NRAP: variants seen among roughly 807,000 people sequenced by gnomAD.
The protein encoded by NRAP is nebulin-related-anchoring protein.
In NRAP, 189 loss-of-function variants were observed where a neutral mutation model predicts 225.9. That is an observed-to-expected ratio of 0.84 (90% CI 0.74 to 0.94). NRAP has a LOEUF of 0.94. Among genes scored for constraint, NRAP ranks in the 40% least tolerant of loss-of-function variants. The pLI is 0.00. For missense variants in NRAP, 2,176 were observed against 2,168.7 expected, an observed-to-expected ratio of 1.00 and a Z score of -0.07; for synonymous variants, 769 against 790.7, an observed-to-expected ratio of 0.97 and a Z score of 0.46.
chr10:113,588,721 G>C lies in NRAP; in HGVS notation c.*254C>G. 1 of 549,140 alleles carries C rather than the reference G, an allele frequency of 1.8e-6. No homozygotes were observed. The highest frequency in any genetic ancestry group is 2.7e-5 in the South Asian group (1 of 37,172). The allele number at this position is 549,140 out of a possible 1,614,324, so 34.0% of individuals were successfully genotyped here. ...ACTCCAGAATCCCCAGCATCAGCGGGAACCACCATCACATCTTTATTCCTC... is the reference window on the plus strand; with the variant it reads ...ACTCCAGAATCCCCAGCATCAGCGGCAACCACCATCACATCTTTATTCCTC... On this transcript the variant is annotated 3_prime_UTR_variant, in exon 42 of 42. Coordinates refer to ENST00000359988, the MANE Select transcript of NRAP (RefSeq NM_198060.4).
intron 41 of NRAP, 125 bp downstream of exon 41, chr10:113,589,541 C>A: frequency 8.5e-7 from 1 of 1,181,672 alleles, no homozygotes; most frequent in Non-Finnish European, 1.2e-6. Context: ...CTTGTTTGAG[C>A]TGCGTTTCAC....
At chr10:113,642,734 A>G (rs1463579107) in intron 12 of NRAP, among the ~76,000 whole-genome samples, 200 bp downstream of exon 12, 1 of 152,236 alleles carries the variant, frequency 6.6e-6, no homozygotes, top group East Asian at 1.9e-4. Context: ...CTCAGGGTCA[A>G]GATTGGGGAT....
At position 113,624,834 on chromosome 10, in the gene NRAP, G is replaced by C. The variant is rs376461200; in HGVS notation, c.2341C>G (p.Leu781Val). 2.7e-5 allele frequency: 43 copies of C among 1,612,794 alleles called. No homozygotes were observed. Among genetic ancestry groups the C allele is most frequent in the Non-Finnish European group, 3.5e-5 (41 of 1,178,882 alleles). Residue 781 changes from leucine (L) to valine (V), a missense_variant, in exon 22 of 42, where the codon CTC (leucine) becomes GTC (valine). Transcript: ENST00000359988. Reference protein sequence around the residue: ...FLQARANAANLSEKLYKSSWE... With the variant: ...FLQARANAANVSEKLYKSSWE... ...ACTCATTCTCTCTGTACCTCGCTGA[G>C]ATTTGCAGCATTGGCTCGGGCCTGC...
chr10:113,650,638 T>A (rs1219227398), intron 7 of NRAP, 93 bp from the exon 8 acceptor site: 6 of 825,382 alleles, frequency 7.3e-6, no homozygotes, highest in Non-Finnish European at 1.2e-5. Flanking sequence ...ATCCTGCCCA[T>A]CTCCTGTCAT....
intron 14 of NRAP, among the ~76,000 whole-genome samples, chr10:113,639,260 G>A (rs921399287): frequency 1.3e-4 from 20 of 152,146 alleles, no homozygotes; most frequent in Non-Finnish European, 2.9e-5. Flanking sequence ...CATTTGGAAA[G>A]CCCCTTTCAT....
intron 35 of NRAP, among the ~76,000 whole-genome samples, chr10:113,601,069 G>A (rs1846569295): frequency 6.6e-6 from 1 of 152,342 alleles, no homozygotes; most frequent in Non-Finnish European, 1.5e-5. Context: ...GAGGGAGCAG[G>A]CAACAGCCGA....
At chr10:113,595,284 G>C (rs574210026) in intron 38 of NRAP, among the ~76,000 whole-genome samples, 1 of 152,212 alleles carries the variant, frequency 6.6e-6, no homozygotes, top group East Asian at 1.9e-4. Flanking sequence ...GAAACAAAAA[G>C]AGCAGGTGTC....
At chr10:113,652,375 C>T (rs1470372599) in intron 6 of NRAP, among the ~76,000 whole-genome samples, 1 of 152,116 alleles carries the variant, frequency 6.6e-6, no homozygotes, top group Admixed American at 6.5e-5. Context: ...GCTGTGGTGG[C>T]TCACCCGAGT....
chr10:113,641,572 T>A, intron 12 of NRAP, 100 bp from the exon 13 acceptor site: 1 of 717,632 alleles, frequency 1.4e-6, no homozygotes, highest in Non-Finnish European at 2.4e-6. Context: ...CATAAATGAT[T>A]AAATATAACC....
intron 8 of NRAP, 43 bp downstream of exon 8, chr10:113,650,395 T>C (rs1356042042): frequency 1.4e-6 from 2 of 1,422,508 alleles, no homozygotes; most frequent in Non-Finnish European, 2.0e-6. Flanking sequence ...AGGTTCACAT[T>C]CCTCTTTCTC....
At chr10:113,646,022 C>A in intron 10 of NRAP, 81 bp from the exon 11 acceptor site, 1 of 701,004 alleles carries the variant, frequency 1.4e-6, no homozygotes, top group Non-Finnish European at 2.4e-6. Context: ...TTATCCTGGG[C>A]TTAATGTCAA....
chr10:113,644,849 C>T (rs1299277213), intron 11 of NRAP, among the ~76,000 whole-genome samples: 1 of 152,188 alleles, frequency 6.6e-6, no homozygotes, highest in Non-Finnish European at 1.5e-5. Context: ...TATGTGAATG[C>T]TTTGAATTGC....
intron 20 of NRAP, among the ~76,000 whole-genome samples, chr10:113,626,854 G>A (rs1423963509): frequency 6.6e-6 from 1 of 152,110 alleles, no homozygotes; most frequent in Non-Finnish European, 1.5e-5. Flanking sequence ...CAAATTAATT[G>A]GCAAATTTTC....
intron 14 of NRAP, among the ~76,000 whole-genome samples, chr10:113,639,104 A>T (rs1199796035): frequency 2.0e-5 from 3 of 151,578 alleles, no homozygotes; most frequent in African/African-American, 7.3e-5. Context: ...AAAAAAAAAA[A>T]AAAAAAAAAA....
intron 9 of NRAP, among the ~76,000 whole-genome samples, chr10:113,648,360 C>G (rs1849709813): frequency 6.6e-6 from 1 of 151,770 alleles, no homozygotes; most frequent in South Asian, 2.1e-4. Context: ...TTAAAAGGTT[C>G]TCAAATTCTT....
Position 113,621,927 on chromosome 10 carries a change from G to A in NRAP, c.2711C>T (p.Ala904Val), listed in dbSNP as rs1436514689. 1.9e-6 allele frequency: 3 copies of A among 1,614,034 alleles called. No individual in the cohort carries two copies. The highest frequency in any genetic ancestry group is 4.5e-5 in the East Asian group (2 of 44,882). Residue 904 changes from alanine (A) to valine (V), a missense_variant, in exon 24 of 42, where the codon GCT becomes GTT. Physicochemically the swap from Ala to Val is moderately conservative, Grantham distance 64. Around this residue, in one of 3 missense-constraint regions of NRAP, gnomAD observed 1,708 missense variants for 1,695.5 expected, o/e 1.01. Transcript: ENST00000359988. ...GYKTAEHHFT[A>V]LPTDMKVEWA... ...TTCCACCTTCATGTCTGTGGGCAAAGCCGTAAAGTGATGTTCCGCTGTCTT... is the reference window on the plus strand; with the variant it reads ...TTCCACCTTCATGTCTGTGGGCAAAACCGTAAAGTGATGTTCCGCTGTCTT...
In NRAP at chr10:113,614,170, T is replaced by G. The variant is rs745769183; in HGVS notation, c.3300+13A>C. ...GGGGCCCTGCAGCCGCTGATGCCTCTCCCCCCACTTACATCACTCTGCAGT... is the reference window on the plus strand; with the variant it reads ...GGGGCCCTGCAGCCGCTGATGCCTCGCCCCCCACTTACATCACTCTGCAGT... On this transcript the variant is annotated intron_variant, in intron 29 of 41. Transcript: ENST00000359988. The G allele has an allele frequency of 5.1e-6, 8 of 1,562,968 alleles. No homozygotes were observed. In the African/African-American group the frequency reaches 6.8e-5, roughly 13 times the overall value.
intron 31 of NRAP, 55 bp from the exon 32 acceptor site, chr10:113,608,567 A>G (rs1159993769): frequency 8.9e-7 from 1 of 1,124,838 alleles, no homozygotes; most frequent in Admixed American, 2.0e-5. Flanking sequence ...TAAAAACCAG[A>G]AGCAGAACCA....
chr10:113,618,148 C>CAAAAAAAAAAA (rs372609403), intron 25 of NRAP, among the ~76,000 whole-genome samples: 1 of 112,208 alleles, frequency 8.9e-6, no homozygotes, highest in African/African-American at 3.6e-5. Flanking sequence ...GACACTGAAG[C>CAAAAAAAAAAA]AAAAAAAAAA....
Sources: allele counts gnomAD v4.1 joint callset (sites outside exome capture counted in the v4.1 genomes callset), GRCh38; gene constraint gnomAD v4.1.1; regional missense constraint gnomAD v4.1.1; transcripts MANE v1.5; gene names NCBI Gene and HGNC (gene_info 2026-07-23, HGNC 2026-07-21).